Variants in PTPRE observed in about 807,000 individuals in gnomAD.
PTPRE encodes receptor-type tyrosine-protein phosphatase epsilon.
In PTPRE, 51 loss-of-function variants were observed where a neutral mutation model predicts 102.0. The ratio of observed to expected loss-of-function variants is 0.50; its 90% CI spans 0.40 to 0.63. The LOEUF (loss-of-function observed/expected upper bound fraction) is 0.63. Ranked by LOEUF, PTPRE falls within the 30% of genes least tolerant of loss-of-function variation. The pLI is 0.00. For synonymous variants in PTPRE, 345 were observed against 348.2 expected, an observed-to-expected ratio of 0.99 and a Z score of 0.10; for missense variants, 752 against 915.1, an observed-to-expected ratio of 0.82 and a Z score of 2.30.
At chr10:127,930,859 A>G (rs1166589318) in intron 1 of PTPRE, among the ~76,000 whole-genome samples, 1 of 149,944 alleles carries the variant, frequency 6.7e-6, no homozygotes, top group African/African-American at 2.5e-5. Flanking sequence ...GTGGCGCGAT[A>G]TCGGCTCACT....
intron 2 of PTPRE, among the ~76,000 whole-genome samples, chr10:128,022,858 G>A (rs959473143): frequency 6.6e-6 from 1 of 152,184 alleles, no homozygotes; most frequent in Non-Finnish European, 1.5e-5. Flanking sequence ...GAAAGAAACC[G>A]CCATCGCTGC....
intron 1 of PTPRE, chr10:127,934,284 G>C (rs1181046151): frequency 6.6e-6 from 1 of 152,176 alleles, no homozygotes; most frequent in Admixed American, 6.5e-5. Context: ...TCACCGTTGA[G>C]AGCCTGAATG....
intron 2 of PTPRE, among the ~76,000 whole-genome samples, chr10:127,992,302 C>T (rs562303321): frequency 6.6e-6 from 1 of 152,256 alleles, no homozygotes; most frequent in South Asian, 2.1e-4. Context: ...GCAGGTCACC[C>T]CTCTTCTAAG....
In PTPRE at chr10:127,907,879, G is replaced by A. The variant is rs12269712; in HGVS notation, c.-31+570G>A. Among the ~76,000 whole-genome samples the A allele has an allele frequency of 0.21, 32,477 of 152,184 alleles. 3,641 individuals carry two copies. Among genetic ancestry groups the A allele is most frequent in the African/African-American group, 0.25 (10,340 of 41,524 alleles). ...GCAGCAGCCGCCGGGGGTCGGAGAT[G>A]CGGCAGGGAGACCCTGGCAGGTGGT... On this transcript the variant is annotated intron_variant, in intron 1 of 20. Transcript: ENST00000254667. This position sits in a 1 kb window ranked among gnomAD's most constrained non-coding sequence, Gnocchi z 4.8.
At chr10:127,942,463 A>G (rs754426437) in intron 1 of PTPRE, among the ~76,000 whole-genome samples, 1 of 152,270 alleles carries the variant, frequency 6.6e-6, no homozygotes, top group Admixed American at 6.5e-5. Flanking sequence ...TTAAAAACCA[A>G]ATCCTACAAA....
intron 1 of PTPRE, among the ~76,000 whole-genome samples, chr10:127,940,909 C>G (rs1262230848): frequency 6.6e-6 from 1 of 152,196 alleles, no homozygotes; most frequent in Non-Finnish European, 1.5e-5. Flanking sequence ...AGGGTTGTAC[C>G]TTCTCATCTG....
intron 4 of PTPRE, 36 bp downstream of exon 4, chr10:128,047,525 A>G: frequency 6.2e-7 from 1 of 1,611,586 alleles, no homozygotes. Context: ...TGCCCCAACC[A>G]GCTCAGAGGA....
chr10:127,962,089 C>T (rs544788335), intron 1 of PTPRE, among the ~76,000 whole-genome samples: 1 of 152,326 alleles, frequency 6.6e-6, no homozygotes, highest in South Asian at 2.1e-4. Flanking sequence ...CTCTAAATAA[C>T]AAAGGGAAGC....
chr10:127,927,088 G>A (rs1410277833), intron 1 of PTPRE, among the ~76,000 whole-genome samples: 1 of 152,022 alleles, frequency 6.6e-6, no homozygotes, highest in Non-Finnish European at 1.5e-5. Flanking sequence ...AGGATTACAA[G>A]CATGAGCCAC....
At chr10:128,074,916 C>A (rs182441034) in intron 17 of PTPRE, among the ~76,000 whole-genome samples, 1 of 152,318 alleles carries the variant, frequency 6.6e-6, no homozygotes, top group Non-Finnish European at 1.5e-5. Flanking sequence ...CACATCCTCA[C>A]CAACATTGTC....
chr10:128,066,208 G>A lies in PTPRE; in HGVS notation c.843+14G>A. 1 of 1,611,532 alleles carries A rather than the reference G, an allele frequency of 6.2e-7. No individual in the cohort carries two copies. On this transcript the variant is annotated intron_variant, in intron 11 of 20. Transcript: ENST00000254667. ...TGCATACAGCCAGTAAGCATCTCTA[G>A]TTGCTGCCCTTCCAGAAAGATCATT...
intron 1 of PTPRE, among the ~76,000 whole-genome samples, chr10:127,952,492 C>T (rs910809971): frequency 1.5e-4 from 23 of 152,252 alleles, no homozygotes; most frequent in East Asian, 5.8e-4. Context: ...AAGTATTTTA[C>T]TTATAAGCTC....
At chr10:127,940,452 G>T (rs116462291) in intron 1 of PTPRE, among the ~76,000 whole-genome samples, 1 of 152,102 alleles carries the variant, frequency 6.6e-6, no homozygotes, top group Admixed American at 6.5e-5. Flanking sequence ...TCCCCTGCAT[G>T]CACCTCTCAT....
At chr10:128,053,579 G>A (rs1199350762) in intron 6 of PTPRE, among the ~76,000 whole-genome samples, 1 of 152,158 alleles carries the variant, frequency 6.6e-6, no homozygotes, top group Non-Finnish European at 1.5e-5. Flanking sequence ...GCGGTGCACA[G>A]GGCCCGATGC....
intron 1 of PTPRE, among the ~76,000 whole-genome samples, chr10:127,962,779 G>A (rs946460206): frequency 4.6e-5 from 7 of 152,226 alleles, no homozygotes; most frequent in Admixed American, 3.3e-4. Flanking sequence ...GGCAGAGGCC[G>A]GGGATGCAGC....
At chr10:128,022,544 T>G (rs1845981977) in intron 2 of PTPRE, among the ~76,000 whole-genome samples, 1 of 152,180 alleles carries the variant, frequency 6.6e-6, no homozygotes, top group Non-Finnish European at 1.5e-5. Flanking sequence ...CCTGTGCTCC[T>G]CCTGGTCACC....
rs1255653898 is a variant in PTPRE, at chr10:127,951,490, C to T, written c.-30-30784C>T. On this transcript the variant is annotated intron_variant, in intron 1 of 20. Coordinates refer to ENST00000254667, the MANE Select transcript of PTPRE (RefSeq NM_006504.6). ...GACCTGAAATGTCACCATGGCCCCC[C>T]AGTTAGTGTGGGGCTTATGGATGTC... 3.3e-5 allele frequency among the ~76,000 whole-genome samples: 5 copies of T among 152,332 alleles called. No individual in the cohort carries two copies. The East Asian group carries it at 9.7e-4, about 29-fold the overall frequency.
chr10:127,957,112 G>T (rs569955682), intron 1 of PTPRE, among the ~76,000 whole-genome samples: 3 of 152,066 alleles, frequency 2.0e-5, no homozygotes, highest in East Asian at 3.9e-4. Flanking sequence ...TCTTTTATGG[G>T]TCATGTTTTT....
chr10:128,053,678 G>A (rs1407868081), intron 6 of PTPRE, among the ~76,000 whole-genome samples: 2 of 152,178 alleles, frequency 1.3e-5, no homozygotes, highest in African/African-American at 4.8e-5. Flanking sequence ...CCAGGAACAC[G>A]CAACCGTGGG....
Sources: allele counts gnomAD v4.1 joint callset (sites outside exome capture counted in the v4.1 genomes callset), GRCh38; gene constraint gnomAD v4.1.1; non-coding constraint Gnocchi (gnomAD v3.1); transcripts MANE v1.5; gene names NCBI Gene and HGNC (gene_info 2026-07-23, HGNC 2026-07-21).